Variants in FRAS1 observed in about 807,000 individuals in gnomAD.
The protein encoded by FRAS1 is extracellular matrix organizing protein FRAS1.
Under a neutral mutation model 435.2 loss-of-function variants are expected in FRAS1, and 290 were observed. The observed-to-expected ratio is 0.67, with a 90% CI of 0.61 to 0.73. The LOEUF is 0.73. Ranked by LOEUF, FRAS1 falls within the 30% of genes least tolerant of loss-of-function variation. The probability of loss-of-function intolerance (pLI) is 0.00; values close to 1 mark genes in which losing one functional copy is unlikely to be tolerated. For missense variants in FRAS1, 4,860 were observed against 5,001.5 expected (o/e 0.97, Z 0.85); for synonymous variants, 1,800 against 1,851.0 (o/e 0.97, Z 0.71).
At chr4:78,117,734 T>C (rs533840917) in intron 2 of FRAS1, among the ~76,000 whole-genome samples, 1 of 151,998 alleles carries the variant, frequency 6.6e-6, no homozygotes, top group African/African-American at 2.4e-5. Context: ...ATTCATCTAA[T>C]TTTTTTTTCA....
At chr4:78,181,656 G>T in intron 2 of FRAS1, 1 of 1,609,292 alleles carries the variant, frequency 6.2e-7, no homozygotes. Flanking sequence ...CAAGGTGGTT[G>T]CCTTTCTGGT....
rs906935571 is a variant in FRAS1, at chr4:78,293,700, A to G, written c.1534+7161A>G. On this transcript the variant is annotated intron_variant, in intron 14 of 73. Coordinates refer to ENST00000512123, the MANE Select transcript of FRAS1 (RefSeq NM_025074.7). Reference sequence around the variant, plus strand: ...AAGTTTTTTTGAGTAAACAAGACCCAATGAGGCAGGTGACAACAGTGTTCC... The same window carrying G: ...AAGTTTTTTTGAGTAAACAAGACCCGATGAGGCAGGTGACAACAGTGTTCC... Among the ~76,000 whole-genome samples the G allele has an allele frequency of 4.6e-5, 7 of 152,344 alleles. No individual in the cohort carries two copies. The East Asian group carries it at 1.3e-3, about 29-fold the overall frequency.
intron 2 of FRAS1, among the ~76,000 whole-genome samples, chr4:78,135,411 T>C (rs530774110): frequency 6.6e-6 from 1 of 152,322 alleles, no homozygotes; most frequent in East Asian, 1.9e-4. Flanking sequence ...TGGAGAACTT[T>C]CTCATAGGGA....
chr4:78,297,641 C>T (rs1728197667), intron 14 of FRAS1, among the ~76,000 whole-genome samples: 4 of 152,096 alleles, frequency 2.6e-5, no homozygotes, highest in South Asian at 4.2e-4. Context: ...AGTCAGGGAC[C>T]TTACCAAATA....
Position 78,375,777 on chromosome 4 carries a change from C to G in FRAS1, c.3190C>G (p.Arg1064Gly), listed in dbSNP as rs375063448. 1.2e-6 allele frequency: 2 copies of G among 1,609,776 alleles called. No homozygotes were observed. Among genetic ancestry groups the G allele is most frequent in the South Asian group, 1.1e-5 (1 of 90,230 alleles). Residue 1064 changes from arginine to glycine, a missense_variant, in exon 26 of 74, where the codon CGT becomes GGT. Arg to Gly is a moderately radical substitution (Grantham distance 125). Transcript: ENST00000512123. The part of the protein sequence containing the change: ...QGCLQCSHRD[R>G]CHLCDHGFFL... ...GTGCTTGCAGTGCAGCCACAGGGAC[C>G]GTTGTCACCTCTGTGACCATGGGTT...
rs1326728907 is a variant in FRAS1 at position 78,508,977 on chromosome 4, A to G, written c.9751A>G (p.Asn3251Asp). 2 of 1,613,970 alleles carry G rather than the reference A, an allele frequency of 1.2e-6. No homozygotes were observed. Among genetic ancestry groups the G allele is most frequent in the South Asian group, 1.1e-5 (1 of 91,078 alleles). The stretch of plus-strand genomic sequence containing the variant: ...GTCTCCCTTTGAAACCATCACTGAC[A>G]ACACACCATTCACCAGTGTCAACCA... Reference protein sequence around the residue: ...ARSPFETITDNTPFTSVNHMV... With the variant: ...ARSPFETITDDTPFTSVNHMV... The change falls in exon 63 of 74, where the codon AAC (asparagine) becomes GAC (aspartate). Residue 3251 changes from asparagine to aspartate, a missense_variant. Physicochemically the swap from Asn to Asp is conservative, Grantham distance 23. Transcript: ENST00000512123.
chr4:78,161,742 C>CAAAAAAAAAAAAAAAAAAAAAAAAAAA (rs71214399), intron 2 of FRAS1, among the ~76,000 whole-genome samples: 6 of 24,888 alleles, frequency 2.4e-4, no homozygotes, highest in Non-Finnish European at 3.1e-4. Context: ...AACTCTGTCT[C>CAAAAAAAAAAAAAAAAAAAAAAAAAAA]AAAAAAAAAA....
intron 29 of FRAS1, among the ~76,000 whole-genome samples, chr4:78,391,498 C>A (rs1732440252): frequency 6.6e-6 from 1 of 152,124 alleles, no homozygotes; most frequent in South Asian, 2.1e-4. Context: ...AAAATGTGGA[C>A]AGGGGAAAAT....
chr4:78,112,269 A>T (rs1181628012), intron 2 of FRAS1, among the ~76,000 whole-genome samples: 1 of 152,198 alleles, frequency 6.6e-6, no homozygotes, highest in Non-Finnish European at 1.5e-5. Flanking sequence ...GCTGAAAAAA[A>T]TGAATAAATC....
intron 54 of FRAS1, among the ~76,000 whole-genome samples, chr4:78,477,181 C>T (rs1719876826): frequency 6.6e-6 from 1 of 152,034 alleles, no homozygotes; most frequent in African/African-American, 2.4e-5. Flanking sequence ...ATTTAAATTC[C>T]ATTATTCAGT....
intron 2 of FRAS1, chr4:78,181,409 T>C (rs1159686432): frequency 1.9e-6 from 3 of 1,611,924 alleles, no homozygotes. Context: ...ACGTTTGTCC[T>C]CGTGCTTCAG....
chr4:78,283,487 C>T (rs1426701974), intron 12 of FRAS1, among the ~76,000 whole-genome samples: 1 of 152,198 alleles, frequency 6.6e-6, no homozygotes, highest in Non-Finnish European at 1.5e-5. Context: ...TTTCAAATCA[C>T]CTGGGGTTGA....
chr4:78,511,753 C>A (rs904776310), intron 64 of FRAS1, among the ~76,000 whole-genome samples: 1 of 152,168 alleles, frequency 6.6e-6, no homozygotes, highest in African/African-American at 2.4e-5. Context: ...AGTAACTTCC[C>A]AAGTGCTACA....
chr4:78,483,233 A>G (rs115925332), intron 58 of FRAS1, among the ~76,000 whole-genome samples: 259 of 152,338 alleles, frequency 1.7e-3, no homozygotes, highest in Non-Finnish European at 2.8e-3. Context: ...TTTTTATTTT[A>G]GAAAGCGAAT....
At chr4:78,329,080 C>T (rs1236518288) in intron 18 of FRAS1, among the ~76,000 whole-genome samples, 2 of 152,210 alleles carry the variant, frequency 1.3e-5, no homozygotes, top group South Asian at 4.1e-4. Context: ...ATCCCACTCT[C>T]TCAGTATCAA....
intron 49 of FRAS1, among the ~76,000 whole-genome samples, chr4:78,465,724 T>G (rs536826875): frequency 6.6e-5 from 10 of 152,002 alleles, no homozygotes; most frequent in Non-Finnish European, 1.2e-4. Flanking sequence ...CCTTGGCATT[T>G]TGTTTTAAGT....
rs758927336 is a variant in FRAS1 at position 78,479,730 on chromosome 4, T to G, written c.8443+12T>G. ...CAGTGAGGACGCAGGTAATGGAGAG[T>G]GTCTCTGAGTTTCCTTCACCTGTCT... On this transcript the variant is annotated intron_variant, in intron 56 of 73. Coordinates refer to ENST00000512123, the MANE Select transcript of FRAS1 (RefSeq NM_025074.7). 3.3e-5 allele frequency: 51 copies of G among 1,535,482 alleles called. No homozygotes were observed. In the South Asian group the frequency reaches 5.8e-4, roughly 17 times the overall value.
At chr4:78,464,399 G>A in intron 48 of FRAS1, 44 bp from the exon 49 acceptor site, 4 of 1,612,842 alleles carry the variant, frequency 2.5e-6, no homozygotes, top group Non-Finnish European at 3.4e-6. Context: ...TGTTGGGTAG[G>A]TGCTAGGGAC....
chr4:78,329,926 G>T (rs1243264622), intron 18 of FRAS1, among the ~76,000 whole-genome samples: 3 of 152,132 alleles, frequency 2.0e-5, no homozygotes, highest in Non-Finnish European at 4.4e-5. Context: ...GTAAATTTTG[G>T]AATTATGTTT....
Sources: gnomAD v4.1 joint callset for allele counts (sites outside exome capture counted in the v4.1 genomes callset) on GRCh38, gnomAD v4.1.1 for gene constraint, MANE v1.5 for transcripts, NCBI Gene and HGNC (gene_info 2026-07-23, HGNC 2026-07-21) for gene names.